The following KCNC4 variants were observed in gnomAD, a reference collection of about 807,000 sequenced individuals.
KCNC4 encodes potassium voltage-gated channel subfamily C member 4, also known as voltage-gated potassium channel KCNC4.
KCNC4 carries 23 observed loss-of-function variants against 42.8 expected under a neutral mutation model. That is an observed-to-expected ratio of 0.54 (90% CI 0.39 to 0.76). KCNC4 has a LOEUF of 0.76. Ranked by LOEUF, KCNC4 falls within the 30% of genes least tolerant of loss-of-function variation. The probability of loss-of-function intolerance (pLI) is 0.00; values close to 1 mark genes in which losing one functional copy is unlikely to be tolerated. For missense variants in KCNC4, 751 were observed against 898.2 expected, an observed-to-expected ratio of 0.84 and a Z score of 2.10; for synonymous variants, 422 against 393.5, an observed-to-expected ratio of 1.07 and a Z score of -0.86.
In KCNC4 at chr1:110,211,814, C is replaced by T. The variant is rs765541885; in HGVS notation, c.315C>T (p.Tyr105=). ...ACAGGCACCCGGGCGTCTTCGCCTACGTGCTCAACTACTACCGCACCGGCA... is the reference window on the plus strand; with the variant it reads ...ACAGGCACCCGGGCGTCTTCGCCTATGTGCTCAACTACTACCGCACCGGCA... The part of the protein sequence containing the change: ...FFDRHPGVFA[Y]VLNYYRTGKL... Residue 105 remains tyrosine (Y), a synonymous_variant, in exon 1 of 4, where the codon TAC becomes TAT. Coordinates refer to ENST00000438661, the MANE Select transcript of KCNC4 (RefSeq NM_001039574.3). The surrounding 1 kb of genome is among the most constrained non-coding windows in gnomAD (Gnocchi z 6.5). 6.2e-7 allele frequency: 1 copy of T among 1,611,576 alleles called. No homozygotes were observed. Among genetic ancestry groups the T allele is most frequent in the Non-Finnish European group, 8.5e-7 (1 of 1,179,802 alleles).
rs1206013029 is a variant in KCNC4 at position 110,244,033 on chromosome 1, G to A, written c.*11724G>A. ...GGCTTGGTGGCGGGATTAGCCTGAC[G>A]CCACCCCATCCTTGGCAGGTGGAAG... is the stretch of plus-strand genomic sequence containing the variant. On this transcript the variant is annotated 3_prime_UTR_variant, in exon 4 of 4. Transcript: ENST00000369787. 7 of 152,142 alleles carry A rather than the reference G, an allele frequency of 4.6e-5. No homozygotes were observed. In the South Asian group the frequency reaches 8.3e-4, roughly 18 times the overall value. 9.4% of individuals were successfully genotyped at this position (152,142 alleles called of 1,614,324 possible).
rs780991501 is a variant in KCNC4 at position 110,223,343 on chromosome 1, G to A, written c.1058G>A (p.Arg353His). ...TTCCTGCGCGTGGTGCGCTTCGTGC[G>A]CATCCTGCGTATCTTCAAGCTCACA... ...LGFLRVVRFVRILRIFKLTRH... is the reference protein window; with the variant it reads ...LGFLRVVRFVHILRIFKLTRH... The change falls in exon 2 of 4, where the codon CGC becomes CAC. Residue 353 changes from arginine (R) to histidine (H), a missense_variant. Coordinates refer to ENST00000438661, the MANE Select transcript of KCNC4 (RefSeq NM_001039574.3). The surrounding 1 kb of genome is among the most constrained non-coding windows in gnomAD (Gnocchi z 7.5). The A allele has an allele frequency of 2.5e-6, 4 of 1,613,700 alleles. No homozygotes were observed. Among genetic ancestry groups the A allele is most frequent in the African/African-American group, 1.3e-5 (1 of 74,926 alleles).
At position 110,223,076 on chromosome 1, in the gene KCNC4, G is replaced by A; in HGVS notation, c.791G>A (p.Gly264Glu). 6.2e-7 allele frequency: 1 copy of A among 1,614,178 alleles called. No homozygotes were observed. The change falls in exon 2 of 4, where the codon GGG becomes GAG. Residue 264 changes from glycine to glutamate, a missense_variant. By Grantham distance (98) the Gly-to-Glu change is moderately conservative (BLOSUM62 -2). Transcript: ENST00000438661. This position sits in a 1 kb window ranked among gnomAD's most constrained non-coding sequence, Gnocchi z 7.5. ...AACGTGACAGAGATCCTCCGCGTAG[G>A]GAACATCACCAGCGTGCACTTCCGG... ...DRNVTEILRV[G>E]NITSVHFRRE...
intron 1 of KCNC4, among the ~76,000 whole-genome samples, chr1:110,257,714 C>A (rs1157731487): frequency 1.2e-5 from 1 of 82,980 alleles, no homozygotes; most frequent in African/African-American, 4.6e-5. Flanking sequence ...GAGCGAGACT[C>A]CGTCTCAAAA....
At chr1:110,276,178 G>T (rs1417075587) in intron 1 of KCNC4, among the ~76,000 whole-genome samples, 1 of 150,382 alleles carries the variant, frequency 6.6e-6, no homozygotes, top group Non-Finnish European at 1.5e-5. Flanking sequence ...TGAGGGATGA[G>T]AAATTGCTTA....
intron 1 of KCNC4, among the ~76,000 whole-genome samples, chr1:110,212,924 C>T (rs1657573341): frequency 1.3e-5 from 2 of 152,124 alleles, no homozygotes; most frequent in African/African-American, 4.8e-5. Context: ...TGGCCAGCCA[C>T]AGGCTTCCTG....
At chr1:110,212,572 G>A (rs1453840169) in intron 1 of KCNC4, among the ~76,000 whole-genome samples, 1 of 152,120 alleles carries the variant, frequency 6.6e-6, no homozygotes, top group Admixed American at 6.5e-5. Flanking sequence ...GTCTTCTGAT[G>A]GGGGCAGGCA....
Position 110,211,781 on chromosome 1 carries a change from C to T in KCNC4, c.282C>T (p.Phe94=), listed in dbSNP as rs1260163639. 6.2e-7 allele frequency: 1 copy of T among 1,611,008 alleles called. No individual in the cohort carries two copies. The change falls in exon 1 of 4, where the codon TTC becomes TTT. Residue 94 remains phenylalanine, a synonymous_variant. Transcript: ENST00000438661. This position sits in a 1 kb window ranked among gnomAD's most constrained non-coding sequence, Gnocchi z 6.5. ...GCAGCGGCGGCGGGGGCTGCGAGTT[C>T]TTCTTCGACAGGCACCCGGGCGTCT... ...SGSSGGGGCE[F]FFDRHPGVFA...
intron 3 of KCNC4, among the ~76,000 whole-genome samples, chr1:110,230,189 C>G (rs1392948446): frequency 1.3e-5 from 2 of 152,178 alleles, no homozygotes; most frequent in Non-Finnish European, 2.9e-5. Context: ...ATACCCCCAC[C>G]CTGCAGTGGT....
At chr1:110,227,869 G>A (rs541527709) in intron 3 of KCNC4, among the ~76,000 whole-genome samples, 14 of 152,296 alleles carry the variant, frequency 9.2e-5, no homozygotes, top group South Asian at 4.1e-4. Flanking sequence ...GAGTTTCACC[G>A]GCACGTGCAC....
At chr1:110,215,890 C>T (rs1354687280) in intron 1 of KCNC4, among the ~76,000 whole-genome samples, 2 of 152,228 alleles carry the variant, frequency 1.3e-5, no homozygotes, top group African/African-American at 4.8e-5. Context: ...CTCCTATGGC[C>T]TCTGGCTCCT....
chr1:110,228,191 G>T (rs1658504799), intron 3 of KCNC4, among the ~76,000 whole-genome samples: 1 of 152,316 alleles, frequency 6.6e-6, no homozygotes, highest in Admixed American at 6.5e-5. Flanking sequence ...CTCCACACAG[G>T]CCCATGTATC....
At chr1:110,254,092 G>GC (rs60155543), downstream of KCNC4, among the ~76,000 whole-genome samples, 2 of 105,362 alleles carry the variant, frequency 1.9e-5, no homozygotes, top group Admixed American at 9.2e-5. Context: ...GCAGAAGTCG[G>GC]GGGGGGGGCG....
intron 3 of KCNC4, among the ~76,000 whole-genome samples, chr1:110,230,957 C>T (rs1658663140): frequency 6.6e-6 from 1 of 152,232 alleles, no homozygotes; most frequent in African/African-American, 2.4e-5. Flanking sequence ...CTCCCACCCA[C>T]CATCTGAGAG....
chr1:110,275,755 G>A (rs991453639), intron 1 of KCNC4, among the ~76,000 whole-genome samples: 2 of 151,876 alleles, frequency 1.3e-5, no homozygotes, highest in African/African-American at 2.4e-5. Context: ...TCAGGAGATC[G>A]AGACCATTCT....
chr1:110,283,672 G>A (rs1393399194), downstream of KCNC4, among the ~76,000 whole-genome samples: 6 of 152,124 alleles, frequency 3.9e-5, no homozygotes, highest in African/African-American at 9.7e-5. Flanking sequence ...TAGTCCTGAC[G>A]ACTTTTTTTG....
intron 1 of KCNC4, among the ~76,000 whole-genome samples, chr1:110,213,153 C>T (rs1657586524): frequency 8.3e-6 from 1 of 120,714 alleles, no homozygotes; most frequent in South Asian, 2.6e-4. Flanking sequence ...GTGCTTCCCC[C>T]ATTATGCTTC....
chr1:110,225,011 G>C (rs1213838600), intron 2 of KCNC4: 1 of 152,246 alleles, frequency 6.6e-6, no homozygotes, highest in African/African-American at 2.4e-5. Context: ...CGAAGGCCTT[G>C]ATAGAAGAGC....
chr1:110,283,219 C>T (rs1659860273), downstream of KCNC4: 1 of 152,126 alleles, frequency 6.6e-6, no homozygotes, highest in Admixed American at 6.6e-5. Context: ...TACCACCAAC[C>T]ATTTATGAGA....
Sources: gnomAD v4.1 joint callset for allele counts (sites outside exome capture counted in the v4.1 genomes callset) on GRCh38, gnomAD v4.1.1 for gene constraint, Gnocchi (gnomAD v3.1) non-coding constraint, MANE v1.5 for transcripts, NCBI Gene and HGNC (gene_info 2026-07-23, HGNC 2026-07-21) for gene names.